CCDC32: variants seen among roughly 807,000 people sequenced by gnomAD.
The protein encoded by CCDC32 is coiled-coil domain-containing protein 32.
A neutral mutation model predicts 20.1 loss-of-function variants in CCDC32; 9 were observed. The ratio of observed to expected loss-of-function variants is 0.45; its 90% CI spans 0.27 to 0.78. CCDC32 has a LOEUF of 0.78. Among genes scored for constraint, CCDC32 ranks in the 30% least tolerant of loss-of-function variants. CCDC32 has a pLI of 0.16. For synonymous variants in CCDC32, 63 were observed against 79.0 expected, an observed-to-expected ratio of 0.80 and a Z score of 1.07; for missense variants, 204 against 215.5, an observed-to-expected ratio of 0.95 and a Z score of 0.33.
At chr15:40,561,440 T>G (rs1890619984) in intron 2 of CCDC32, among the ~76,000 whole-genome samples, 1 of 148,802 alleles carries the variant, frequency 6.7e-6, no homozygotes, top group Non-Finnish European at 1.5e-5. Context: ...GCCACTGCAT[T>G]CCAGCCTGGG....
intron 3 of CCDC32, among the ~76,000 whole-genome samples, chr15:40,540,374 T>C (rs1044823318): frequency 1.3e-5 from 2 of 150,900 alleles, no homozygotes; most frequent in Non-Finnish European, 3.0e-5. Context: ...CTTTTTCTTT[T>C]TTTTTTTTTT....
chr15:40,553,756 C>T lies in CCDC32; in HGVS notation c.*215G>A. ...GGTCAGTCACTTCATCCGAGACAGT[C>T]ACACATGCCAGCCCCAGGTAAGTCC... On this transcript the variant is annotated 3_prime_UTR_variant, in exon 4 of 4. Coordinates refer to ENST00000416810, the MANE Select transcript of CCDC32 (RefSeq NM_001080792.4). The T allele has an allele frequency of 7.4e-7, 1 of 1,357,840 alleles. No homozygotes were observed. Among genetic ancestry groups the T allele is most frequent in the Non-Finnish European group, 9.5e-7 (1 of 1,055,738 alleles). The allele number at this position is 1,357,840 out of a possible 1,614,324, so 84.1% of individuals were successfully genotyped here. A position where few individuals can be genotyped will look rare whatever the true frequency, so the allele number is the denominator to read the frequency against.
chr15:40,555,726 C>T (rs1890187613), intron 3 of CCDC32, among the ~76,000 whole-genome samples: 1 of 152,138 alleles, frequency 6.6e-6, no homozygotes. Context: ...GTAAATGTAC[C>T]TATGAAGTTT....
chr15:40,529,659 G>GT (rs1200971655), intron 3 of CCDC32: 542 of 114,048 alleles, frequency 4.8e-3, no homozygotes, highest in East Asian at 8.1e-3. Flanking sequence ...GGTTTGGATG[G>GT]TTTTTTTTTT....
At chr15:40,535,070 C>G, downstream of CCDC32, 1 of 758,086 alleles carries the variant, frequency 1.3e-6, no homozygotes, top group South Asian at 1.5e-5. Flanking sequence ...TGTGGAGGGT[C>G]TTGACTGCTA....
At chr15:40,532,328 A>T, downstream of CCDC32, 1 of 702,610 alleles carries the variant, frequency 1.4e-6, no homozygotes, top group Non-Finnish European at 2.6e-6. Context: ...ACGTAGATTT[A>T]TGACAAACAT....
intron 1 of CCDC32, chr15:40,564,712 T>G (rs978609763): frequency 2.5e-6 from 4 of 1,613,504 alleles, no homozygotes; most frequent in Non-Finnish European, 3.4e-6. Context: ...AGCGCTACAG[T>G]GAACCCCCAA....
At chr15:40,528,581 C>T (rs1894929157), downstream of CCDC32, 3 of 595,734 alleles carry the variant, frequency 5.0e-6, no homozygotes, top group Non-Finnish European at 8.9e-6. Flanking sequence ...GAGTCCAGGG[C>T]CCTCAAATCC....
chr15:40,544,969 C>G (rs1172249192), intron 3 of CCDC32, among the ~76,000 whole-genome samples: 1 of 152,208 alleles, frequency 6.6e-6, no homozygotes, highest in Non-Finnish European at 1.5e-5. Flanking sequence ...CTACTCCTCT[C>G]ACTTTTGATA....
chr15:40,532,409 C>A, downstream of CCDC32: 1 of 664,982 alleles, frequency 1.5e-6, no homozygotes, highest in Non-Finnish European at 2.8e-6. Context: ...CTTACTGCTG[C>A]TACTGCCATG....
intron 3 of CCDC32, chr15:40,528,803 A>C (rs1353257407): frequency 2.9e-6 from 2 of 698,362 alleles, no homozygotes; most frequent in East Asian, 5.4e-5. Flanking sequence ...ATTAAAAAAA[A>C]GAGAAGAAAA....
intron 1 of CCDC32, among the ~76,000 whole-genome samples, chr15:40,564,008 A>G (rs1890849300): frequency 6.6e-6 from 1 of 152,004 alleles, no homozygotes; most frequent in African/African-American, 2.4e-5. Flanking sequence ...TTTTTAGTAA[A>G]GACGGGGTTT....
downstream of CCDC32, among the ~76,000 whole-genome samples, chr15:40,530,087 T>C (rs1461881739): frequency 6.7e-6 from 1 of 150,190 alleles, no homozygotes; most frequent in Non-Finnish European, 1.5e-5. Context: ...AGGTCAGGAG[T>C]TCGAGACCAG....
chr15:40,554,008 G>T lies in CCDC32; in HGVS notation c.521C>A (p.Pro174Gln). 1.9e-6 allele frequency: 3 copies of T among 1,607,658 alleles called. No individual in the cohort carries two copies. The highest frequency in any genetic ancestry group is 2.5e-6 in the Non-Finnish European group (3 of 1,177,938). ...TGCTGCTGGCTTGTCCCCGGCTGCT[G>T]GCTCGTCCTCGGCCACTGGCTTCTC... ...QVEKPVAEDEPAAGDKPAAAE... is the reference protein window; with the variant it reads ...QVEKPVAEDEQAAGDKPAAAE... The change falls in exon 4 of 4, where the codon CCA (proline) becomes CAA (glutamine). Residue 174 changes from proline (P) to glutamine (Q), a missense_variant. Physicochemically the swap from Pro to Gln is moderately conservative, Grantham distance 76 (BLOSUM62 -1). Transcript: ENST00000416810.
intron 3 of CCDC32, among the ~76,000 whole-genome samples, chr15:40,547,907 C>T (rs1005187093): frequency 2.6e-5 from 4 of 152,240 alleles, no homozygotes; most frequent in African/African-American, 9.6e-5. Flanking sequence ...CCTTTGCACG[C>T]ACTCTCGTGT....
downstream of CCDC32, chr15:40,535,246 A>G (rs1889061576): frequency 1.4e-6 from 2 of 1,389,094 alleles, no homozygotes; most frequent in Non-Finnish European, 1.9e-6. Flanking sequence ...AGTAGTCTAC[A>G]TGAGAGGCAA....
At chr15:40,528,266 T>C (rs114256025), downstream of CCDC32, among the ~76,000 whole-genome samples, 266 of 152,280 alleles carry the variant, frequency 1.7e-3, 1 homozygote, top group Middle Eastern at 0.01. Context: ...GTAAATGTCA[T>C]TATCTCATTT....
At chr15:40,539,019 C>T (rs927023712), downstream of CCDC32, 13 of 557,468 alleles carry the variant, frequency 2.3e-5, no homozygotes, top group Non-Finnish European at 4.2e-5. Context: ...CTCTAGCTGG[C>T]TCTGACTAAA....
intron 3 of CCDC32, among the ~76,000 whole-genome samples, chr15:40,544,387 A>T (rs1003855862): frequency 9.3e-5 from 14 of 151,186 alleles, no homozygotes; most frequent in Non-Finnish European, 1.6e-4. Context: ...TAATTTTTAA[A>T]TTTTTTTTTT....
Sources: gnomAD v4.1 joint callset for allele counts (sites outside exome capture counted in the v4.1 genomes callset) on GRCh38, gnomAD v4.1.1 for gene constraint, MANE v1.5 for transcripts, NCBI Gene and HGNC (gene_info 2026-07-23, HGNC 2026-07-21) for gene names.